CXCR2: variants seen among roughly 807,000 people sequenced by gnomAD.
CXCR2 encodes C-X-C motif chemokine receptor 2.
Under a neutral mutation model 3.7 loss-of-function variants are expected in CXCR2, and 2 were observed. The ratio of observed to expected loss-of-function variants is 0.55; its 90% CI spans 0.22 to 1.72. The LOEUF is 1.72. CXCR2 is among the 40% of genes most tolerant of loss of function. The pLI is 0.19. For synonymous variants in CXCR2, 203 were observed against 193.3 expected, an observed-to-expected ratio of 1.05 and a Z score of -0.41; for missense variants, 351 against 450.1, an observed-to-expected ratio of 0.78 and a Z score of 1.99.
chr2:218,136,064 C>A lies in CXCR2; in HGVS notation c.*180C>A. 1.3e-6 allele frequency: 1 copy of A among 778,338 alleles called. No homozygotes were observed. Among genetic ancestry groups the A allele is most frequent in the Non-Finnish European group, 2.1e-6 (1 of 486,512 alleles). 48.2% of individuals were successfully genotyped at this position (778,338 alleles called of 1,614,324 possible). A position where few individuals can be genotyped will look rare whatever the true frequency, so the allele number is the denominator to read the frequency against. On this transcript the variant is annotated 3_prime_UTR_variant, in exon 3 of 3. Coordinates refer to ENST00000318507, the MANE Select transcript of CXCR2 (RefSeq NM_001557.4). ...CCTTGCATGGTTTAGAAAGCTTGCCCTGGTGCCTCACCCCTTGCCATAATT... is the reference window on the plus strand; with the variant it reads ...CCTTGCATGGTTTAGAAAGCTTGCCATGGTGCCTCACCCCTTGCCATAATT...
intron 2 of CXCR2, among the ~76,000 whole-genome samples, chr2:218,131,882 A>T (rs1460163767): frequency 6.6e-6 from 1 of 151,626 alleles, no homozygotes; most frequent in Admixed American, 6.6e-5. Context: ...AAGAGAAACT[A>T]AAAACTTGTC....
At position 218,135,677 on chromosome 2, in the gene CXCR2, C is replaced by T. The variant is rs199873547; in HGVS notation, c.876C>T (p.Ile292=). Residue 292 remains isoleucine (I), a synonymous_variant, in exon 3 of 3, where the codon ATC becomes ATT. Coordinates refer to ENST00000318507, the MANE Select transcript of CXCR2 (RefSeq NM_001557.4). This position sits in a 1 kb window ranked among gnomAD's most constrained non-coding sequence, Gnocchi z 4.0. ...AGACCTGTGAGCGCCGCAATCACATCGACCGGGCTCTGGATGCCACCGAGA... is the reference window on the plus strand; with the variant it reads ...AGACCTGTGAGCGCCGCAATCACATTGACCGGGCTCTGGATGCCACCGAGA... ...IQETCERRNH[I]DRALDATEIL... is the part of the protein sequence containing the mutation. The T allele has an allele frequency of 8.7e-6, 14 of 1,613,496 alleles. No individual in the cohort carries two copies. Among genetic ancestry groups the T allele is most frequent in the East Asian group, 6.7e-5 (3 of 44,848 alleles).
At position 218,135,662 on chromosome 2, in the gene CXCR2, G is replaced by A. The variant is rs758761660; in HGVS notation, c.861G>A (p.Glu287=). The A allele has an allele frequency of 6.2e-7, 1 of 1,614,096 alleles. No individual in the cohort carries two copies. Among genetic ancestry groups the A allele is most frequent in the Non-Finnish European group, 8.5e-7 (1 of 1,179,996 alleles). Residue 287 remains glutamate (E), a synonymous_variant, in exon 3 of 3, where the codon GAG becomes GAA. Transcript: ENST00000318507. This position sits in a 1 kb window ranked among gnomAD's most constrained non-coding sequence, Gnocchi z 4.0. ...CCCAGGTGATCCAGGAGACCTGTGAGCGCCGCAATCACATCGACCGGGCTC... is the reference window on the plus strand; with the variant it reads ...CCCAGGTGATCCAGGAGACCTGTGAACGCCGCAATCACATCGACCGGGCTC... ...MRTQVIQETC[E]RRNHIDRALD...
chr2:218,127,878 C>A (rs774212064), intron 1 of CXCR2, among the ~76,000 whole-genome samples: 1 of 152,146 alleles, frequency 6.6e-6, no homozygotes, highest in Non-Finnish European at 1.5e-5. Context: ...AATTAATATC[C>A]AGGTCAAAGT....
intron 1 of CXCR2, among the ~76,000 whole-genome samples, chr2:218,128,310 T>C (rs1690557831): frequency 1.3e-5 from 2 of 152,156 alleles, no homozygotes; most frequent in Admixed American, 1.3e-4. Context: ...CTAAGAAACA[T>C]TTGCTGAACA....
intron 1 of CXCR2, among the ~76,000 whole-genome samples, chr2:218,128,417 A>G (rs1377690761): frequency 2.0e-5 from 3 of 152,200 alleles, no homozygotes; most frequent in African/African-American, 7.2e-5. Flanking sequence ...TGCATGGAGC[A>G]AGAGATAGGG....
At chr2:218,132,127 T>A (rs1690662102) in intron 2 of CXCR2, among the ~76,000 whole-genome samples, 11 of 152,154 alleles carry the variant, frequency 7.2e-5, no homozygotes, top group Admixed American at 7.2e-4. Context: ...AATTAAGACA[T>A]AAGTCACATA....
chr2:218,129,883 T>C (rs1447558474), intron 2 of CXCR2, among the ~76,000 whole-genome samples: 3 of 152,132 alleles, frequency 2.0e-5, no homozygotes, highest in African/African-American at 7.2e-5. Flanking sequence ...ATCTATGGAG[T>C]TTCCAAACTA....
chr2:218,129,959 T>C (rs1690602752), intron 2 of CXCR2, among the ~76,000 whole-genome samples: 1 of 152,202 alleles, frequency 6.6e-6, no homozygotes, highest in African/African-American at 2.4e-5. Flanking sequence ...TCCTGGAATA[T>C]ATGACTGTGT....
chr2:218,134,807 A>G lies in CXCR2; in HGVS notation c.6A>G (p.Glu2=). 1.2e-6 allele frequency: 2 copies of G among 1,610,688 alleles called. No homozygotes were observed. Among genetic ancestry groups the G allele is most frequent in the Non-Finnish European group, 1.7e-6 (2 of 1,177,566 alleles). The part of the protein sequence containing the change: M[E]DFNMESDSFE... ...GATTTAAGTTTACCTCAAAAATGGA[A>G]GATTTTAACATGGAGAGTGACAGCT... is the stretch of plus-strand genomic sequence containing the variant. Residue 2 remains glutamate (E), a synonymous_variant, in exon 3 of 3, where the codon GAA becomes GAG. Coordinates refer to ENST00000318507, the MANE Select transcript of CXCR2 (RefSeq NM_001557.4).
rs527528633 is a variant in CXCR2, at chr2:218,137,194, G to A, written c.*1310G>A. 1.8e-5 allele frequency: 3 copies of A among 166,904 alleles called. No homozygotes were observed. The highest frequency in any genetic ancestry group is 7.3e-5 in the African/African-American group (3 of 41,362). The allele number at this position is 166,904 out of a possible 1,614,324, so 10.3% of individuals were successfully genotyped here. On this transcript the variant is annotated 3_prime_UTR_variant, in exon 3 of 3. Coordinates refer to ENST00000318507, the MANE Select transcript of CXCR2 (RefSeq NM_001557.4). ...CTAGAACCACCTGCCTATATTTTTT[G>A]TTAAATGATTTCATTCAATATCTTT...
Position 218,135,797 on chromosome 2 carries a change from T to C in CXCR2, c.996T>C (p.His332=), listed in dbSNP as rs17844701. The change falls in exon 3 of 3, where the codon CAT becomes CAC. Residue 332 remains histidine, a synonymous_variant. Coordinates refer to ENST00000318507, the MANE Select transcript of CXCR2 (RefSeq NM_001557.4). This position sits in a 1 kb window ranked among gnomAD's most constrained non-coding sequence, Gnocchi z 4.0. ...RHGLLKILAI[H]GLISKDSLPK... Reference sequence around the variant, plus strand: ...GACTCCTCAAGATTCTAGCTATACATGGCTTGATCAGCAAGGACTCCCTGC... The same window carrying C: ...GACTCCTCAAGATTCTAGCTATACACGGCTTGATCAGCAAGGACTCCCTGC... The C allele has an allele frequency of 6.2e-7, 1 of 1,614,150 alleles. No individual in the cohort carries two copies. The highest frequency in any genetic ancestry group is 8.5e-7 in the Non-Finnish European group (1 of 1,180,028).
At chr2:218,125,320 C>T (rs558264941), upstream of CXCR2, 1 of 152,364 alleles carries the variant, frequency 6.6e-6, no homozygotes, top group South Asian at 2.1e-4. Flanking sequence ...AATATGCAGC[C>T]GTTTTCTCCT....
At chr2:218,134,287 C>T (rs1485948756) in intron 2 of CXCR2, among the ~76,000 whole-genome samples, 1 of 152,100 alleles carries the variant, frequency 6.6e-6, no homozygotes, top group Non-Finnish European at 1.5e-5. Context: ...ATTCCCAGCA[C>T]TTTGGGAGAC....
At chr2:218,128,539 A>G (rs1361763556) in intron 1 of CXCR2, among the ~76,000 whole-genome samples, 1 of 152,246 alleles carries the variant, frequency 6.6e-6, no homozygotes, top group Non-Finnish European at 1.5e-5. Flanking sequence ...TGTAATCAAT[A>G]GCAAATTGAT....
chr2:218,135,513 C>T lies in CXCR2; in HGVS notation c.712C>T (p.Leu238=), dbSNP rs745593873. The T allele has an allele frequency of 5.0e-6, 8 of 1,614,200 alleles. No homozygotes were observed. Among genetic ancestry groups the T allele is most frequent in the Admixed American group, 1.7e-5 (1 of 60,028 alleles). ...CTGCTACGGATTCACCCTGCGTACG[C>T]TGTTTAAGGCCCACATGGGGCAGAA... The part of the protein sequence containing the change: ...LFCYGFTLRT[L]FKAHMGQKHR... Residue 238 remains leucine, a synonymous_variant, in exon 3 of 3, where the codon CTG becomes TTG. Coordinates refer to ENST00000318507, the MANE Select transcript of CXCR2 (RefSeq NM_001557.4). This position sits in a 1 kb window ranked among gnomAD's most constrained non-coding sequence, Gnocchi z 4.0.
At position 218,135,245 on chromosome 2, in the gene CXCR2, T is replaced by C; in HGVS notation, c.444T>C (p.Ile148=). Residue 148 remains isoleucine, a synonymous_variant, in exon 3 of 3, where the codon ATT becomes ATC. Transcript: ENST00000318507. The surrounding 1 kb of genome is among the most constrained non-coding windows in gnomAD (Gnocchi z 4.0). The stretch of plus-strand genomic sequence containing the variant: ...TCAGTGTGGACCGTTACCTGGCCAT[T>C]GTCCATGCCACACGCACACTGACCC... ...ACISVDRYLA[I]VHATRTLTQK... 1 of 1,614,230 alleles carries C rather than the reference T, an allele frequency of 6.2e-7. No homozygotes were observed. Among genetic ancestry groups the C allele is most frequent in the Non-Finnish European group, 8.5e-7 (1 of 1,180,034 alleles).
In CXCR2 at chr2:218,135,936, C is replaced by A. The variant is rs1377927930; in HGVS notation, c.*52C>A. On this transcript the variant is annotated 3_prime_UTR_variant, in exon 3 of 3. Coordinates refer to ENST00000318507, the MANE Select transcript of CXCR2 (RefSeq NM_001557.4). The surrounding 1 kb of genome is among the most constrained non-coding windows in gnomAD (Gnocchi z 4.0). ...GGGGTTCCTCCCTTCTCTTCACAGT[C>A]ACATTCCAAGCCTCATGTCCACTGG... is the stretch of plus-strand genomic sequence containing the variant. 2 of 1,548,844 alleles carry A rather than the reference C, an allele frequency of 1.3e-6. No homozygotes were observed. Among genetic ancestry groups the A allele is most frequent in the African/African-American group, 1.4e-5 (1 of 72,836 alleles).
chr2:218,134,782 G>A lies in CXCR2; in HGVS notation c.-20G>A, dbSNP rs754915788. The A allele has an allele frequency of 6.2e-7, 1 of 1,607,796 alleles. No homozygotes were observed. ...CCTTCATCTCTCTTCTATAGGTCAG[G>A]ATTTAAGTTTACCTCAAAAATGGAA... On this transcript the variant is annotated 5_prime_UTR_variant, in exon 3 of 3. Transcript: ENST00000318507.
Sources: gnomAD v4.1 joint callset for allele counts (sites outside exome capture counted in the v4.1 genomes callset) on GRCh38, gnomAD v4.1.1 for gene constraint, Gnocchi (gnomAD v3.1) non-coding constraint, MANE v1.5 for transcripts, NCBI Gene and HGNC (gene_info 2026-07-23, HGNC 2026-07-21) for gene names.